The following CACNA1D variants were observed in gnomAD, a reference collection of about 807,000 sequenced individuals.
CACNA1D encodes voltage-dependent L-type calcium channel subunit alpha-1D.
Under a neutral mutation model 257.1 loss-of-function variants are expected in CACNA1D, and 55 were observed. The ratio of observed to expected loss-of-function variants is 0.21; its 90% confidence interval spans 0.17 to 0.27. The LOEUF (loss-of-function observed/expected upper bound fraction) is 0.27. Ranked by LOEUF, CACNA1D falls within the 10% of genes least tolerant of loss-of-function variation. The probability of loss-of-function intolerance (pLI) is 1.00; values close to 1 mark genes in which losing one functional copy is unlikely to be tolerated. For synonymous variants in CACNA1D, 980 were observed against 1,014.9 expected (o/e 0.97, Z 0.65); for missense variants, 1,876 against 2,784.0 (o/e 0.67, Z 7.34).
intron 9 of CACNA1D, among the ~76,000 whole-genome samples, chr3:53,716,188 C>T (rs751839342): frequency 6.6e-6 from 1 of 152,196 alleles, no homozygotes; most frequent in African/African-American, 2.4e-5. Flanking sequence ...ATGGAAATGA[C>T]CCTCAAGATT....
At chr3:53,528,864 G>A (rs1486445848) in intron 3 of CACNA1D, among the ~76,000 whole-genome samples, 1 of 152,106 alleles carries the variant, frequency 6.6e-6, no homozygotes, top group African/African-American at 2.4e-5. Context: ...CCTTGTACAT[G>A]CCGCCTTGTC....
At position 53,812,651 on chromosome 3, in the gene CACNA1D, A is replaced by G. The variant is rs1479939785; in HGVS notation, c.*1245A>G. 6.6e-6 allele frequency: 1 copy of G among 152,216 alleles called. No individual in the cohort carries two copies. Among genetic ancestry groups the G allele is most frequent in the Non-Finnish European group, 1.5e-5 (1 of 68,048 alleles). 9.4% of individuals were successfully genotyped at this position (152,216 alleles called of 1,614,324 possible). A position where few individuals can be genotyped will look rare whatever the true frequency, so the allele number is the denominator to read the frequency against. ...TGGCTGCTCTGCCCCTTGGGTATCC[A>G]TAGTTACGGTTTTCTCTGTGGCCCA... is the stretch of plus-strand genomic sequence containing the variant. On this transcript the variant is annotated 3_prime_UTR_variant, in exon 48 of 48. Coordinates refer to ENST00000350061, the MANE Select transcript of CACNA1D (RefSeq NM_001128840.3).
chr3:53,776,559 TC>T (rs1559667950), intron 35 of CACNA1D, 43 bp from the exon 36 acceptor site: 1 of 1,613,464 alleles, frequency 6.2e-7, no homozygotes, highest in South Asian at 1.1e-5. Context: ...TCTAACGCAA[TC>T]CAGCTGCAGC....
At chr3:53,511,999 G>T (rs2091132771) in intron 3 of CACNA1D, among the ~76,000 whole-genome samples, 1 of 152,094 alleles carries the variant, frequency 6.6e-6, no homozygotes, top group South Asian at 2.1e-4. Flanking sequence ...TAACAACAGG[G>T]TATAATGAAA....
intron 9 of CACNA1D, among the ~76,000 whole-genome samples, chr3:53,712,570 A>G (rs1370043533): frequency 1.3e-5 from 2 of 151,890 alleles, no homozygotes; most frequent in South Asian, 4.2e-4. Context: ...CTTCTTCTGG[A>G]TTTGGCAGGC....
At chr3:53,612,854 G>A (rs950248155) in intron 3 of CACNA1D, among the ~76,000 whole-genome samples, 3 of 152,152 alleles carry the variant, frequency 2.0e-5, no homozygotes, top group African/African-American at 4.8e-5. Flanking sequence ...ACTGTCTGTC[G>A]TTGAATACTA....
At position 53,494,911 on chromosome 3, in the gene CACNA1D, T is replaced by C; in HGVS notation, c.-256T>C. On this transcript the variant is annotated 5_prime_UTR_variant, in exon 1 of 48. Coordinates refer to ENST00000350061, the MANE Select transcript of CACNA1D (RefSeq NM_001128840.3). ...TTATTAAGATAATATATACATTGGA[T>C]TTTATTTTTTTAAAAAGTTTATTTT... is the stretch of plus-strand genomic sequence containing the variant. The C allele has an allele frequency of 2.1e-6, 1 of 481,330 alleles. No individual in the cohort carries two copies. The highest frequency in any genetic ancestry group is 2.2e-5 in the South Asian group (1 of 44,680). The allele number at this position is 481,330 out of a possible 1,614,324, so 29.8% of individuals were successfully genotyped here.
chr3:53,801,068 C>G lies in CACNA1D; in HGVS notation c.5051C>G (p.Ala1684Gly). 1 of 1,613,734 alleles carries G rather than the reference C, an allele frequency of 6.2e-7. No homozygotes were observed. The change falls in exon 42 of 48, where the codon GCC (alanine) becomes GGC (glycine). Residue 1684 changes from alanine (A) to glycine (G), a missense_variant. Around this residue, in one of 10 missense-constraint regions of CACNA1D, gnomAD observed 160 missense variants for 236.6 expected, o/e 0.68. Coordinates refer to ENST00000350061, the MANE Select transcript of CACNA1D (RefSeq NM_001128840.3). ...EEDDVFKRNGALLGNHVNHVN... is the reference protein window; with the variant it reads ...EEDDVFKRNGGLLGNHVNHVN... ...CCCATTATTTTGCAGAGAAATGGTGCCCTGCTTGGAAACCATGTCAATCAT... is the reference window on the plus strand; with the variant it reads ...CCCATTATTTTGCAGAGAAATGGTGGCCTGCTTGGAAACCATGTCAATCAT...
At chr3:53,511,283 C>T (rs1409605863) in intron 3 of CACNA1D, among the ~76,000 whole-genome samples, 1 of 152,072 alleles carries the variant, frequency 6.6e-6, no homozygotes, top group Non-Finnish European at 1.5e-5. Flanking sequence ...AGTCTACTTG[C>T]CAGGGTGCTC....
chr3:53,691,760 C>T (rs1323363787), intron 8 of CACNA1D, among the ~76,000 whole-genome samples: 10 of 38,442 alleles, frequency 2.6e-4, no homozygotes, highest in Admixed American at 6.5e-4. Context: ...ATATATATTA[C>T]ATATAATATA....
In CACNA1D at chr3:53,495,240, A is replaced by G. The variant is rs1450960662; in HGVS notation, c.67+7A>G. The G allele has an allele frequency of 1.2e-6, 2 of 1,613,674 alleles. No homozygotes were observed. The highest frequency in any genetic ancestry group is 2.2e-5 in the South Asian group (2 of 91,056). ...CAAGCGGACCACGCGAACGGTGAGC[A>G]GCCAGAGCCCGGGCACCCGCTGCCA... On this transcript the variant is annotated splice_region_variant and intron_variant, in intron 1 of 47. Coordinates refer to ENST00000350061, the MANE Select transcript of CACNA1D (RefSeq NM_001128840.3). This position sits in a 1 kb window ranked among gnomAD's most constrained non-coding sequence, Gnocchi z 5.1.
intron 3 of CACNA1D, among the ~76,000 whole-genome samples, chr3:53,622,007 G>A (rs918209388): frequency 5.3e-5 from 8 of 152,064 alleles, no homozygotes; most frequent in African/African-American, 1.7e-4. Flanking sequence ...ACGCATCATC[G>A]GAGGGGCTGT....
chr3:53,743,057 A>G lies in CACNA1D; in HGVS notation c.2858A>G (p.Asn953Ser), dbSNP rs567068933. ...AFLHKGAFCR[N>S]YFNLLDMLVV... ...CTCCACAAAGGGGCCTTCTGCAGGA[A>G]CTACTTCAATTTGCTGGATATGCTG... The change falls in exon 22 of 48, where the codon AAC (asparagine) becomes AGC (serine). Residue 953 changes from asparagine to serine, a missense_variant. Asn to Ser is a conservative substitution (Grantham distance 46). Around this residue, in one of 10 missense-constraint regions of CACNA1D, gnomAD observed 271 missense variants for 425.5 expected, o/e 0.64. Transcript: ENST00000350061. 4 of 1,613,994 alleles carry G rather than the reference A, an allele frequency of 2.5e-6. No homozygotes were observed. The Admixed American group carries it at 5.0e-5, about 20-fold the overall frequency.
intron 37 of CACNA1D, among the ~76,000 whole-genome samples, chr3:53,777,276 ATCG>A (rs2095402908): frequency 6.6e-6 from 1 of 152,160 alleles, no homozygotes; most frequent in South Asian, 2.1e-4. Flanking sequence ...GAGAATGGAC[ATCG>A]TAATGGCAAA....
chr3:53,651,366 C>CTTTTTTTTATTTTTTTTTTTTTT (rs2094091970), intron 4 of CACNA1D, among the ~76,000 whole-genome samples: 1 of 81,836 alleles, frequency 1.2e-5, no homozygotes. Context: ...TATTAATTTT[C>CTTTTTTTTATTTTTTTTTTTTTT]TTTTTTTTTT....
chr3:53,800,231 C>T lies in CACNA1D; in HGVS notation c.4924-18C>T, dbSNP rs775134145. The stretch of plus-strand genomic sequence containing the variant: ...CCCATGTGTGGTCTAACCTGTTCTG[C>T]CATTTTCATTGATCTAGGCGGGATT... On this transcript the variant is annotated intron_variant, in intron 40 of 47. Coordinates refer to ENST00000350061, the MANE Select transcript of CACNA1D (RefSeq NM_001128840.3). This position sits in a 1 kb window ranked among gnomAD's most constrained non-coding sequence, Gnocchi z 4.3. The T allele has an allele frequency of 1.1e-5, 18 of 1,567,952 alleles. No homozygotes were observed. Among genetic ancestry groups the T allele is most frequent in the East Asian group, 4.5e-5 (2 of 44,650 alleles).
At chr3:53,567,649 A>G (rs1234280994) in intron 3 of CACNA1D, among the ~76,000 whole-genome samples, 5 of 152,182 alleles carry the variant, frequency 3.3e-5, no homozygotes, top group Non-Finnish European at 5.9e-5. Flanking sequence ...CAACATAGCC[A>G]CTCACCGAAA....
chr3:53,545,353 C>T (rs987032821), intron 3 of CACNA1D, among the ~76,000 whole-genome samples: 3 of 152,212 alleles, frequency 2.0e-5, no homozygotes, highest in Non-Finnish European at 4.4e-5. Context: ...AATGACTCTC[C>T]CTCACAAGGC....
At chr3:53,678,179 T>C (rs1194181538) in intron 8 of CACNA1D, among the ~76,000 whole-genome samples, 1 of 152,218 alleles carries the variant, frequency 6.6e-6, no homozygotes, top group East Asian at 1.9e-4. Flanking sequence ...CTAAAGGATA[T>C]TACTACATAA....
Sources: gnomAD v4.1 joint callset for allele counts (sites outside exome capture counted in the v4.1 genomes callset) on GRCh38, gnomAD v4.1.1 for gene constraint, gnomAD v4.1.1 regional missense constraint, Gnocchi (gnomAD v3.1) non-coding constraint, MANE v1.5 for transcripts, NCBI Gene and HGNC (gene_info 2026-07-23, HGNC 2026-07-21) for gene names.